Variants in EDIL3 observed in about 807,000 individuals in gnomAD.
EDIL3 encodes the protein EGF-like repeat and discoidin I-like domain-containing protein 3.
EDIL3 carries 37 observed loss-of-function variants against 67.4 expected under a neutral mutation model. The ratio of observed to expected loss-of-function variants is 0.55; its 90% CI spans 0.42 to 0.72. The LOEUF is 0.72. Ranked by LOEUF, EDIL3 falls within the 30% of genes least tolerant of loss-of-function variation. EDIL3 has a pLI of 0.00. For synonymous variants in EDIL3, 195 were observed against 196.3 expected (o/e 0.99, Z 0.05); for missense variants, 527 against 586.3 (o/e 0.90, Z 1.04).
intron 6 of EDIL3, among the ~76,000 whole-genome samples, chr5:84,094,422 G>A (rs1747224280): frequency 6.6e-6 from 1 of 151,930 alleles, no homozygotes; most frequent in Non-Finnish European, 1.5e-5. Context: ...AACAGAAAAG[G>A]CTAAAATATT....
chr5:84,011,298 T>C (rs1745513264), intron 9 of EDIL3, among the ~76,000 whole-genome samples: 1 of 152,210 alleles, frequency 6.6e-6, no homozygotes, highest in South Asian at 2.1e-4. Context: ...ACTTGATTTC[T>C]CCTGGCCCTC....
At chr5:84,363,312 C>T (rs1747653506) in intron 1 of EDIL3, among the ~76,000 whole-genome samples, 1 of 151,710 alleles carries the variant, frequency 6.6e-6, no homozygotes, top group East Asian at 1.9e-4. Context: ...CAAAAATTAG[C>T]TGTGGTGTGT....
At chr5:84,337,121 A>G (rs933710775) in intron 1 of EDIL3, among the ~76,000 whole-genome samples, 3 of 152,166 alleles carry the variant, frequency 2.0e-5, no homozygotes, top group Admixed American at 2.0e-4. Flanking sequence ...CCAAGTCTGT[A>G]TATAAAATTT....
At position 84,171,642 on chromosome 5, in the gene EDIL3, A is replaced by G. The variant is rs1282819517; in HGVS notation, c.355+8751T>C. 5.9e-5 allele frequency among the ~76,000 whole-genome samples: 9 copies of G among 152,326 alleles called. No homozygotes were observed. In the East Asian group the frequency reaches 1.7e-3, roughly 29 times the overall value. ...GAATTCAATAAGGTTGTGCGATTAC[A>G]CATTCAGTGTGGGATTATAATAACC... On this transcript the variant is annotated intron_variant, in intron 4 of 10. Coordinates refer to ENST00000296591, the MANE Select transcript of EDIL3 (RefSeq NM_005711.5).
chr5:84,292,205 C>G (rs1745937501), intron 1 of EDIL3, among the ~76,000 whole-genome samples: 1 of 152,116 alleles, frequency 6.6e-6, no homozygotes. Flanking sequence ...CCAAATAACA[C>G]ATCAGGTTTG....
chr5:84,332,017 G>A (rs1020215969), intron 1 of EDIL3, among the ~76,000 whole-genome samples: 1 of 152,076 alleles, frequency 6.6e-6, no homozygotes, highest in African/African-American at 2.4e-5. Context: ...ATCTATGAAA[G>A]GATTATTTTC....
intron 1 of EDIL3, among the ~76,000 whole-genome samples, chr5:84,301,443 T>C (rs1020288552): frequency 3.9e-5 from 6 of 152,190 alleles, no homozygotes; most frequent in Non-Finnish European, 5.9e-5. Flanking sequence ...AATAATCCTG[T>C]TAAATCAAGT....
At chr5:84,254,530 C>G (rs1306400931) in intron 1 of EDIL3, among the ~76,000 whole-genome samples, 1 of 152,130 alleles carries the variant, frequency 6.6e-6, no homozygotes, top group African/African-American at 2.4e-5. Context: ...CTGTAATAGA[C>G]TAGTGTCATT....
intron 3 of EDIL3, among the ~76,000 whole-genome samples, chr5:84,209,710 TG>T (rs557517091): frequency 6.3e-4 from 96 of 152,158 alleles, no homozygotes; most frequent in African/African-American, 2.2e-3. Flanking sequence ...ATATCAATAA[TG>T]GGGTAGAAAA....
rs527332207 is a variant in EDIL3 at position 84,139,335 on chromosome 5, G to C, written c.356-1981C>G. Reference sequence around the variant, plus strand: ...GGAGGGAGGGAGGCAGTGAGGGAGGGAAGGAGGGAGGGAGGGGAAAGAAAA... The same window carrying C: ...GGAGGGAGGGAGGCAGTGAGGGAGGCAAGGAGGGAGGGAGGGGAAAGAAAA... On this transcript the variant is annotated intron_variant, in intron 4 of 10. Coordinates refer to ENST00000296591, the MANE Select transcript of EDIL3 (RefSeq NM_005711.5). 1.1e-4 allele frequency among the ~76,000 whole-genome samples: 16 copies of C among 143,670 alleles called. 1 individual carries two copies. The East Asian group carries it at 3.7e-3, about 34-fold the overall frequency. The allele number at this position is 143,670 out of a possible 152,430, so 94.3% of individuals were successfully genotyped here.
At chr5:83,989,492 G>C (rs1200458964) in intron 9 of EDIL3, among the ~76,000 whole-genome samples, 1 of 152,182 alleles carries the variant, frequency 6.6e-6, no homozygotes. Context: ...TTATCTCCTG[G>C]GAAGTGAATA....
intron 2 of EDIL3, among the ~76,000 whole-genome samples, chr5:84,246,053 G>A (rs3776885): frequency 0.68 from 103,811 of 152,016 alleles, 35,694 homozygotes; most frequent in East Asian, 0.95. Flanking sequence ...TGTGTATAAC[G>A]TAAAAAGAAA....
chr5:84,125,689 C>G (rs191809292), intron 5 of EDIL3, among the ~76,000 whole-genome samples: 1 of 151,916 alleles, frequency 6.6e-6, no homozygotes, highest in Non-Finnish European at 1.5e-5. Flanking sequence ...CGGAGTGATC[C>G]CCATTACTTT....
rs535334831 is a variant in EDIL3 at position 84,206,522 on chromosome 5, G to A, written c.226+23333C>T. ...AACTATTCCAATCAATAGAAAAAGA[G>A]GGAATCCTCCCTAACTCATTTTATG... is the stretch of plus-strand genomic sequence containing the variant. On this transcript the variant is annotated intron_variant, in intron 3 of 10. Coordinates refer to ENST00000296591, the MANE Select transcript of EDIL3 (RefSeq NM_005711.5). 2.4e-3 allele frequency among the ~76,000 whole-genome samples: 362 copies of A among 152,188 alleles called. 4 individuals are homozygous for A. The highest frequency in any genetic ancestry group is 8.3e-3 in the African/African-American group (344 of 41,512).
At chr5:84,107,597 C>T (rs946636192) in intron 5 of EDIL3, among the ~76,000 whole-genome samples, 2 of 151,314 alleles carry the variant, frequency 1.3e-5, no homozygotes, top group Non-Finnish European at 1.5e-5. Context: ...TTCACATTTG[C>T]AACTGAGAAA....
At chr5:84,136,266 A>G (rs1334330468) in intron 5 of EDIL3, among the ~76,000 whole-genome samples, 1 of 152,182 alleles carries the variant, frequency 6.6e-6, no homozygotes, top group East Asian at 1.9e-4. Context: ...GTGCATCTGA[A>G]GTCTCATCTG....
chr5:84,348,195 C>G (rs1018634580), intron 1 of EDIL3, among the ~76,000 whole-genome samples: 1 of 152,112 alleles, frequency 6.6e-6, no homozygotes, highest in African/African-American at 2.4e-5. Flanking sequence ...GGAATTTTAC[C>G]ACTTGAAGCA....
intron 1 of EDIL3, among the ~76,000 whole-genome samples, chr5:84,376,926 T>A (rs1747978902): frequency 6.6e-6 from 1 of 152,154 alleles, no homozygotes; most frequent in Non-Finnish European, 1.5e-5. Context: ...TCCAGAAAAG[T>A]TAGCGTTTAT....
At chr5:83,998,253 A>G (rs1437361236) in intron 9 of EDIL3, among the ~76,000 whole-genome samples, 3 of 152,164 alleles carry the variant, frequency 2.0e-5, no homozygotes. Context: ...CAACTTGGAC[A>G]TAGTAAAATA....
Sources: gnomAD v4.1 joint callset for allele counts (sites outside exome capture counted in the v4.1 genomes callset) on GRCh38, gnomAD v4.1.1 for gene constraint, MANE v1.5 for transcripts, NCBI Gene and HGNC (gene_info 2026-07-23, HGNC 2026-07-21) for gene names.